MDM1: variants seen among roughly 807,000 people sequenced by gnomAD.
MDM1 encodes Mdm1 nuclear protein.
In MDM1, 61 loss-of-function variants were observed where a neutral mutation model predicts 89.1. That is an observed-to-expected ratio of 0.68 (90% CI 0.56 to 0.85). MDM1 has a LOEUF of 0.85. Ranked by LOEUF, MDM1 falls within the 40% of genes least tolerant of loss-of-function variation. The probability of loss-of-function intolerance (pLI) is 0.00; values close to 1 mark genes in which losing one functional copy is unlikely to be tolerated. For missense variants in MDM1, 820 were observed against 846.5 expected (o/e 0.97, Z 0.39); for synonymous variants, 290 against 294.1 (o/e 0.99, Z 0.14).
chr12:68,316,210 A>C lies in MDM1; in HGVS notation c.1079T>G (p.Val360Gly), dbSNP rs1874478506. The C allele has an allele frequency of 1.9e-6, 3 of 1,613,870 alleles. No homozygotes were observed. The highest frequency in any genetic ancestry group is 2.5e-6 in the Non-Finnish European group (3 of 1,179,896). ...GTCCCGAGAAAAATGCGTCCCCTGA[A>C]CTCGCTTCCTATAAAACTCAGCCTT... The part of the protein sequence containing the change: ...REKAEFYRKR[V>G]QGTHFSRDHL... The change falls in exon 9 of 15, where the codon GTT (valine) becomes GGT (glycine). Residue 360 changes from valine to glycine, a missense_variant. Coordinates refer to ENST00000682720, the MANE Select transcript of MDM1 (RefSeq NM_001354969.2).
At chr12:68,324,940 T>C in intron 4 of MDM1, 1 of 897,996 alleles carries the variant, frequency 1.1e-6, no homozygotes, top group Non-Finnish European at 1.3e-6. Context: ...ATTTTACAAA[T>C]ATAGTTATAC....
chr12:68,302,878 TGA>T lies in MDM1; in HGVS notation c.1750-8_1750-7del. The stretch of plus-strand genomic sequence containing the variant: ...GATACAGCACGACTTTCTTTCTAAA[TGA>T]CAAAAAAAAAAAAAAAAAAAAGATG... On this transcript the variant is annotated splice_region_variant and splice_polypyrimidine_tract_variant and intron_variant, in intron 12 of 14. Coordinates refer to ENST00000682720, the MANE Select transcript of MDM1 (RefSeq NM_001354969.2). 1.9e-6 allele frequency: 2 copies of T among 1,058,454 alleles called. No individual in the cohort carries two copies. The highest frequency in any genetic ancestry group is 2.3e-6 in the Non-Finnish European group (2 of 870,900). The allele number at this position is 1,058,454 out of a possible 1,614,324, so 65.6% of individuals were successfully genotyped here. A position where few individuals can be genotyped will look rare whatever the true frequency, so the allele number is the denominator to read the frequency against.
intron 12 of MDM1, among the ~76,000 whole-genome samples, chr12:68,311,235 G>A (rs1210725803): frequency 6.6e-6 from 1 of 151,988 alleles, no homozygotes; most frequent in African/African-American, 2.4e-5. Flanking sequence ...ACTGGAGAAG[G>A]GCACACAACC....
chr12:68,314,623 C>T (rs1190505249), intron 10 of MDM1, among the ~76,000 whole-genome samples: 1 of 152,050 alleles, frequency 6.6e-6, no homozygotes, highest in Non-Finnish European at 1.5e-5. Flanking sequence ...TAAAGAACAC[C>T]AGTTTTTTTC....
At chr12:68,316,506 A>AAGCAGG in intron 8 of MDM1, 75 bp downstream of exon 8, 1 of 1,247,198 alleles carries the variant, frequency 8.0e-7, no homozygotes. Flanking sequence ...AAATATTGAC[A>AAGCAGG]CCTACTTTTT....
At position 68,314,915 on chromosome 12, in the gene MDM1, G is replaced by A. The variant is rs149716622; in HGVS notation, c.1529+33C>T. 4.5e-3 allele frequency: 6,831 copies of A among 1,521,438 alleles called. 24 individuals are homozygous for A. Among genetic ancestry groups the A allele is most frequent in the Non-Finnish European group, 5.8e-3 (6,392 of 1,106,762 alleles). The allele number at this position is 1,521,438 out of a possible 1,614,324, so 94.2% of individuals were successfully genotyped here. A position where few individuals can be genotyped will look rare whatever the true frequency, so the allele number is the denominator to read the frequency against. On this transcript the variant is annotated intron_variant, in intron 10 of 14. Coordinates refer to ENST00000682720, the MANE Select transcript of MDM1 (RefSeq NM_001354969.2). ...AATACATATCAACCATGTAAATAACGCTTCTCTATACTGAGTAATTTAAAA... is the reference window on the plus strand; with the variant it reads ...AATACATATCAACCATGTAAATAACACTTCTCTATACTGAGTAATTTAAAA...
Position 68,313,628 on chromosome 12 carries a change from G to T in MDM1, c.1639+16C>A. The T allele has an allele frequency of 1.2e-6, 2 of 1,608,414 alleles. No individual in the cohort carries two copies. The highest frequency in any genetic ancestry group is 2.2e-5 in the South Asian group (2 of 90,888). On this transcript the variant is annotated intron_variant, in intron 11 of 14. Transcript: ENST00000682720. ...AAAGCAGGTTAAATAAGAACTGCAC[G>T]GTGTTTGCCGATTACCAACAGCTGG... is the stretch of plus-strand genomic sequence containing the variant.
chr12:68,331,967 CT>C (rs1565791009), intron 1 of MDM1: 1 of 693,342 alleles, frequency 1.4e-6, no homozygotes, highest in Middle Eastern at 2.3e-4. Flanking sequence ...ATCTCCACTC[CT>C]CTTGAGTCCC....
At chr12:68,303,854 ACCTTCTTTTTTAGTTT>A (rs1872539796) in intron 12 of MDM1, among the ~76,000 whole-genome samples, 1 of 152,234 alleles carries the variant, frequency 6.6e-6, no homozygotes, top group African/African-American at 2.4e-5. Flanking sequence ...TGAGATATTT[ACCTTCTTTTTTAGTTT>A]GGTCAGTATT....
At chr12:68,310,957 T>C (rs941541987) in intron 12 of MDM1, among the ~76,000 whole-genome samples, 1 of 152,186 alleles carries the variant, frequency 6.6e-6, no homozygotes, top group Non-Finnish European at 1.5e-5. Flanking sequence ...CACCATTTCC[T>C]AACTTTAAAA....
chr12:68,316,660 T>C (rs1278510437), intron 7 of MDM1, 50 bp from the exon 8 acceptor site: 8 of 1,313,922 alleles, frequency 6.1e-6, no homozygotes, highest in South Asian at 1.3e-5. Context: ...ATGCCATAAT[T>C]GAATATTAAT....
intron 7 of MDM1, among the ~76,000 whole-genome samples, chr12:68,317,207 T>C (rs1874615993): frequency 6.6e-6 from 1 of 152,152 alleles, no homozygotes; most frequent in Admixed American, 6.5e-5. Flanking sequence ...GCAGCCTTCA[T>C]ACCCATTTGA....
At chr12:68,302,450 G>A (rs1399327627) in intron 13 of MDM1, among the ~76,000 whole-genome samples, 170 bp downstream of exon 13, 1 of 152,132 alleles carries the variant, frequency 6.6e-6, no homozygotes, top group Admixed American at 6.5e-5. Context: ...CTTAGGTGCA[G>A]CACAATTGGT....
intron 12 of MDM1, among the ~76,000 whole-genome samples, chr12:68,310,947 C>T (rs2120919137): frequency 6.6e-6 from 1 of 152,170 alleles, no homozygotes; most frequent in East Asian, 1.9e-4. Context: ...AATTTCTGAC[C>T]ACCATTTCCT....
chr12:68,307,455 C>A (rs572412210), intron 12 of MDM1, among the ~76,000 whole-genome samples: 1 of 152,014 alleles, frequency 6.6e-6, no homozygotes, highest in Non-Finnish European at 1.5e-5. Flanking sequence ...GGCAACACAG[C>A]GAGATCCCCA....
At chr12:68,295,488 G>T in intron 14 of MDM1, 122 bp from the exon 15 acceptor site, 1 of 607,440 alleles carries the variant, frequency 1.6e-6, no homozygotes, top group Non-Finnish European at 2.8e-6. Context: ...AGTTAGTCAG[G>T]AAAAAAAGTA....
chr12:68,330,177 C>T (rs1807282708), intron 2 of MDM1, among the ~76,000 whole-genome samples: 1 of 152,178 alleles, frequency 6.6e-6, no homozygotes, highest in South Asian at 2.1e-4. Flanking sequence ...CCTGAAATTC[C>T]CTTAATTATT....
chr12:68,324,386 G>A (rs1875662368), intron 4 of MDM1, among the ~76,000 whole-genome samples: 1 of 152,060 alleles, frequency 6.6e-6, no homozygotes, highest in Non-Finnish European at 1.5e-5. Context: ...AAGAAGTACT[G>A]ATCCTATTTA....
chr12:68,320,771 A>G (rs868592683), intron 7 of MDM1, among the ~76,000 whole-genome samples: 3 of 152,250 alleles, frequency 2.0e-5, no homozygotes, highest in African/African-American at 2.4e-5. Context: ...AAAAGGTTCC[A>G]TTCTCTATCC....
Sources: gnomAD v4.1 joint callset for allele counts (sites outside exome capture counted in the v4.1 genomes callset) on GRCh38, gnomAD v4.1.1 for gene constraint, MANE v1.5 for transcripts, NCBI Gene and HGNC (gene_info 2026-07-23, HGNC 2026-07-21) for gene names.